AGBL4: variants seen among roughly 807,000 people sequenced by gnomAD.
The protein encoded by AGBL4 is AGBL carboxypeptidase 4, also known as cytosolic carboxypeptidase 6.
Under a neutral mutation model 66.4 loss-of-function variants are expected in AGBL4, and 58 were observed. The ratio of observed to expected loss-of-function variants is 0.87; its 90% CI spans 0.71 to 1.09. The LOEUF (loss-of-function observed/expected upper bound fraction) is 1.09, where lower values mean the gene tolerates loss of function less well. AGBL4 is among the 50% of genes least tolerant of loss of function. The pLI, the probability that AGBL4 is intolerant of heterozygous loss-of-function variation, is 0.00. For synonymous variants in AGBL4, 234 were observed against 222.9 expected, an observed-to-expected ratio of 1.05 and a Z score of -0.44; for missense variants, 579 against 631.0, an observed-to-expected ratio of 0.92 and a Z score of 0.88.
At chr1:49,114,319 T>A (rs1645472925) in intron 4 of AGBL4, among the ~76,000 whole-genome samples, 1 of 152,184 alleles carries the variant, frequency 6.6e-6, no homozygotes, top group Non-Finnish European at 1.5e-5. Flanking sequence ...AACTTCAAAC[T>A]TTTCTTCTGC....
intron 2 of AGBL4, among the ~76,000 whole-genome samples, chr1:49,735,679 A>G (rs1442581841): frequency 6.6e-6 from 1 of 152,142 alleles, no homozygotes; most frequent in African/African-American, 2.4e-5. Context: ...AATATTAAAA[A>G]GGAAATACAC....
rs542095930 is a variant in AGBL4, at chr1:48,905,443, C to A, written c.595-38213G>T. Among the ~76,000 whole-genome samples the A allele has an allele frequency of 9.9e-5, 15 of 151,978 alleles. No individual in the cohort carries two copies. The South Asian group carries it at 3.1e-3, about 32-fold the overall frequency. ...GAATAAATACTAATTTGAATGCAAC[C>A]CAAAACACAGTTATAATAAACAATG... is the stretch of plus-strand genomic sequence containing the variant. On this transcript the variant is annotated intron_variant, in intron 5 of 13. Transcript: ENST00000371839.
chr1:49,620,413 A>G (rs576267703), intron 3 of AGBL4, among the ~76,000 whole-genome samples: 2 of 152,348 alleles, frequency 1.3e-5, no homozygotes, highest in Non-Finnish European at 1.5e-5. Context: ...CAAAAGCACA[A>G]TGAGATACCA....
In AGBL4 at chr1:49,901,735, AT is replaced by A. The variant is rs1271045409; in HGVS notation, c.35-50218del. Among the ~76,000 whole-genome samples the A allele has an allele frequency of 2.6e-5, 4 of 152,236 alleles. No individual in the cohort carries two copies. In the East Asian group the frequency reaches 7.7e-4, roughly 29 times the overall value. On this transcript the variant is annotated intron_variant, in intron 1 of 13. Transcript: ENST00000371839. ...AAAAAGAATCCAAATAGCCAAGGCA[AT>A]CCTATGCAAAAAGAACAAAGCTGGA...
chr1:48,876,188 T>C (rs1649202799), intron 5 of AGBL4, among the ~76,000 whole-genome samples: 1 of 152,194 alleles, frequency 6.6e-6, no homozygotes, highest in African/African-American at 2.4e-5. Flanking sequence ...AAAAGGACAG[T>C]GTTTAAGTCT....
chr1:49,338,063 TA>T (rs1181087928), intron 3 of AGBL4, among the ~76,000 whole-genome samples: 1 of 152,190 alleles, frequency 6.6e-6, no homozygotes, highest in Non-Finnish European at 1.5e-5. Flanking sequence ...GTTACTTAAA[TA>T]AAAGGTTGAT....
intron 4 of AGBL4, among the ~76,000 whole-genome samples, chr1:49,089,732 C>T (rs1460777693): frequency 1.3e-5 from 2 of 152,130 alleles, no homozygotes; most frequent in Admixed American, 1.3e-4. Context: ...GGACTCCTAT[C>T]TAACTCATTC....
At chr1:49,052,217 A>G (rs1644230152) in intron 4 of AGBL4, among the ~76,000 whole-genome samples, 1 of 152,156 alleles carries the variant, frequency 6.6e-6, no homozygotes, top group Admixed American at 6.5e-5. Flanking sequence ...GAGCTGAGGA[A>G]TAGCTGAGAC....
intron 2 of AGBL4, among the ~76,000 whole-genome samples, chr1:49,801,495 C>T (rs996665983): frequency 6.6e-6 from 1 of 152,136 alleles, no homozygotes; most frequent in South Asian, 2.1e-4. Context: ...TATTGTTACA[C>T]AGCAATAGAT....
intron 5 of AGBL4, among the ~76,000 whole-genome samples, chr1:48,970,058 T>C (rs1157865652): frequency 1.3e-5 from 2 of 152,138 alleles, no homozygotes; most frequent in East Asian, 1.9e-4. Context: ...ATCCTACAGA[T>C]TGAAAATGAC....
intron 3 of AGBL4, among the ~76,000 whole-genome samples, chr1:49,468,403 C>T (rs1646672490): frequency 6.6e-6 from 1 of 151,646 alleles, no homozygotes; most frequent in South Asian, 2.1e-4. Flanking sequence ...GGATACAATC[C>T]CAAATGCCAT....
chr1:49,866,687 C>T (rs1447808380), intron 1 of AGBL4, among the ~76,000 whole-genome samples: 1 of 152,180 alleles, frequency 6.6e-6, no homozygotes, highest in South Asian at 2.1e-4. Context: ...TCATTTGAAC[C>T]CTGAAGGTGG....
chr1:49,284,164 A>G (rs1459578929), intron 3 of AGBL4, among the ~76,000 whole-genome samples: 4 of 152,204 alleles, frequency 2.6e-5, no homozygotes, highest in Admixed American at 6.5e-5. Context: ...GACTAACAGC[A>G]GCGGATCTCT....
intron 3 of AGBL4, among the ~76,000 whole-genome samples, chr1:49,660,716 G>C (rs1646252030): frequency 6.6e-6 from 1 of 152,106 alleles, no homozygotes; most frequent in Non-Finnish European, 1.5e-5. Context: ...GCCCATCAAT[G>C]ATAGATTGGA....
chr1:48,909,880 T>C (rs1400264221), intron 5 of AGBL4, among the ~76,000 whole-genome samples: 1 of 152,226 alleles, frequency 6.6e-6, no homozygotes, highest in Non-Finnish European at 1.5e-5. Flanking sequence ...ATGTTTCCTA[T>C]ACATAATTTC....
chr1:49,782,094 G>A (rs1644350715), intron 2 of AGBL4, among the ~76,000 whole-genome samples: 1 of 151,476 alleles, frequency 6.6e-6, no homozygotes, highest in African/African-American at 2.4e-5. Context: ...AAAGCAAGCA[G>A]AAGAAAGAAA....
Position 49,900,041 on chromosome 1 carries a change from C to CA in AGBL4, c.35-48524dup, listed in dbSNP as rs201984526. Among the ~76,000 whole-genome samples, 974 of 146,174 alleles carry CA rather than the reference C, an allele frequency of 6.7e-3. 6 individuals carry two copies. Among genetic ancestry groups the CA allele is most frequent in the Middle Eastern group, 0.031 (9 of 286 alleles). On this transcript the variant is annotated intron_variant, in intron 1 of 13. Coordinates refer to ENST00000371839, the MANE Select transcript of AGBL4 (RefSeq NM_032785.4). The stretch of plus-strand genomic sequence containing the variant: ...TGGGTGACAGAGCAAGACTCCATCT[C>CA]AAAAAAAAAAGTTTGCTCAATAATT...
the AGBL4 span, among the ~76,000 whole-genome samples, chr1:48,523,625 G>A: frequency 6.6e-6 from 1 of 152,210 alleles, no homozygotes; most frequent in African/African-American, 2.4e-5. Context: ...AGGCATGTAT[G>A]GCAAACAGGC....
At chr1:49,436,437 G>A (rs1199727350) in intron 3 of AGBL4, among the ~76,000 whole-genome samples, 2 of 152,030 alleles carry the variant, frequency 1.3e-5, no homozygotes, top group African/African-American at 4.8e-5. Flanking sequence ...AAAATAAGAA[G>A]AGAAAATTTC....
Sources: allele counts gnomAD v4.1 joint callset (sites outside exome capture counted in the v4.1 genomes callset), GRCh38; gene constraint gnomAD v4.1.1; transcripts MANE v1.5; gene names NCBI Gene and HGNC (gene_info 2026-07-23, HGNC 2026-07-21).